CSMD3: variants seen among roughly 807,000 people sequenced by gnomAD.
CSMD3 encodes CUB and sushi domain-containing protein 3.
A neutral mutation model predicts 435.2 loss-of-function variants in CSMD3; 177 were observed. The ratio of observed to expected loss-of-function variants is 0.41; its 90% CI spans 0.36 to 0.46. The LOEUF (loss-of-function observed/expected upper bound fraction) is 0.46. Ranked by LOEUF, CSMD3 falls within the 20% of genes least tolerant of loss-of-function variation. The pLI is 0.34. For synonymous variants in CSMD3, 1,656 were observed against 1,520.5 expected (o/e 1.09, Z -2.07); for missense variants, 4,265 against 4,504.6 (o/e 0.95, Z 1.52).
chr8:113,345,103 A>G (rs900462187), intron 1 of CSMD3, among the ~76,000 whole-genome samples: 1 of 152,134 alleles, frequency 6.6e-6, no homozygotes, highest in Non-Finnish European at 1.5e-5. Context: ...CACCCAATGT[A>G]CACAGAAAGC....
At chr8:112,455,259 TA>T in intron 32 of CSMD3, among the ~76,000 whole-genome samples, 1 of 152,106 alleles carries the variant, frequency 6.6e-6, no homozygotes, top group East Asian at 1.9e-4. Context: ...TATGCAGCCA[TA>T]AAAAGAAGGA....
intron 22 of CSMD3, among the ~76,000 whole-genome samples, chr8:112,605,642 G>A (rs1832731704): frequency 8.7e-6 from 1 of 115,396 alleles, no homozygotes; most frequent in East Asian, 2.2e-4. Flanking sequence ...GCAGAGGGTG[G>A]GAGTAGGGCA....
chr8:112,902,592 G>A (rs1210867413), intron 10 of CSMD3, among the ~76,000 whole-genome samples: 1 of 151,236 alleles, frequency 6.6e-6, no homozygotes, highest in African/African-American at 2.4e-5. Context: ...CTCAGCGTTA[G>A]TCATGTTAAA....
chr8:113,206,762 A>G (rs2177112), intron 3 of CSMD3, among the ~76,000 whole-genome samples: 56,015 of 151,944 alleles, frequency 0.37, 11,142 homozygotes, highest in African/African-American at 0.52. Flanking sequence ...ATTGCCTTAT[A>G]TACATGAATG....
intron 13 of CSMD3, among the ~76,000 whole-genome samples, chr8:112,747,235 G>GT (rs2077453144): frequency 1.8e-5 from 1 of 57,000 alleles, no homozygotes; most frequent in Non-Finnish European, 3.3e-5. Flanking sequence ...TTGCTTCATT[G>GT]TTTTTTCCTG....
intron 32 of CSMD3, among the ~76,000 whole-genome samples, chr8:112,466,872 C>T (rs566822336): frequency 2.0e-5 from 3 of 151,858 alleles, no homozygotes; most frequent in African/African-American, 4.8e-5. Context: ...TAACATAATA[C>T]TATAATAGAG....
chr8:112,754,767 T>C (rs1279910518), intron 13 of CSMD3, among the ~76,000 whole-genome samples: 2 of 152,180 alleles, frequency 1.3e-5, no homozygotes, highest in Admixed American at 6.5e-5. Flanking sequence ...ATGAAGCCCC[T>C]AAACCTGTCT....
At chr8:112,989,318 C>T (rs1046196873) in intron 6 of CSMD3, among the ~76,000 whole-genome samples, 1 of 151,984 alleles carries the variant, frequency 6.6e-6, no homozygotes, top group African/African-American at 2.4e-5. Flanking sequence ...ACTTCCTATC[C>T]AGTTATCACT....
rs759587996 is a variant in CSMD3 at position 112,689,909 on chromosome 8, T to C, written c.2114A>G (p.Gln705Arg). ...ELIGEKSIVC[Q>R]ENNQWSANIP... Reference sequence around the variant, plus strand: ...GTTTGCAGACCATTGGTTATTCTCTTGACAAACAATGGATTTCTCTCCAAT... The same window carrying C: ...GTTTGCAGACCATTGGTTATTCTCTCGACAAACAATGGATTTCTCTCCAAT... The change falls in exon 14 of 71, where the codon CAA becomes CGA. Residue 705 changes from glutamine to arginine, a missense_variant. This residue lies in a region of CSMD3 where 279 missense variants were observed against 369.0 expected (regional missense o/e 0.76). Coordinates refer to ENST00000297405, the MANE Select transcript of CSMD3 (RefSeq NM_198123.2). 4.3e-6 allele frequency: 7 copies of C among 1,613,320 alleles called. No individual in the cohort carries two copies. Among genetic ancestry groups the C allele is most frequent in the Admixed American group, 1.7e-5 (1 of 59,972 alleles).
chr8:112,911,892 T>C (rs1456458866), intron 10 of CSMD3, among the ~76,000 whole-genome samples: 1 of 148,290 alleles, frequency 6.7e-6, no homozygotes, highest in African/African-American at 2.4e-5. Context: ...GAGAAGAATA[T>C]TAAATAACCA....
chr8:113,135,178 C>A (rs1249085961), intron 4 of CSMD3, among the ~76,000 whole-genome samples: 1 of 151,920 alleles, frequency 6.6e-6, no homozygotes. Context: ...ATACCTGACA[C>A]ATATTAGGCT....
At chr8:113,204,392 T>C (rs2092748129) in intron 3 of CSMD3, among the ~76,000 whole-genome samples, 2 of 152,144 alleles carry the variant, frequency 1.3e-5, no homozygotes, top group South Asian at 2.1e-4. Context: ...ACATATGTTT[T>C]CTATTTGAAA....
intron 4 of CSMD3, among the ~76,000 whole-genome samples, chr8:113,133,733 T>C (rs1049699913): frequency 1.3e-5 from 2 of 152,042 alleles, no homozygotes; most frequent in East Asian, 3.9e-4. Flanking sequence ...ATATATAGAA[T>C]GGAATATTAT....
chr8:113,229,171 G>T (rs2093058416), intron 3 of CSMD3, among the ~76,000 whole-genome samples: 1 of 151,488 alleles, frequency 6.6e-6, no homozygotes, highest in African/African-American at 2.4e-5. Context: ...AAATTATATT[G>T]GGCATTATAG....
At chr8:113,096,198 C>T (rs1401612791) in intron 5 of CSMD3, among the ~76,000 whole-genome samples, 3 of 152,090 alleles carry the variant, frequency 2.0e-5, no homozygotes, top group Non-Finnish European at 2.9e-5. Context: ...GATTTATTAG[C>T]CATCTCAAAC....
intron 50 of CSMD3, among the ~76,000 whole-genome samples, chr8:112,308,083 G>C: frequency 1.3e-5 from 2 of 152,110 alleles, no homozygotes; most frequent in East Asian, 3.9e-4. Context: ...ATTATGAACA[G>C]AAAAGCTGTA....
intron 3 of CSMD3, among the ~76,000 whole-genome samples, chr8:113,182,617 T>C (rs1263353751): frequency 6.6e-6 from 1 of 151,982 alleles, no homozygotes; most frequent in Non-Finnish European, 1.5e-5. Flanking sequence ...GTTATTTCCC[T>C]TCATGTGACT....
Position 112,636,938 on chromosome 8 carries a change from A to T in CSMD3, c.3594T>A (p.Phe1198Leu), listed in dbSNP as rs1454131175. ...AGAAGGTCAGAGTGTCACCAATCCC[A>T]AAGTTGAACCCGATTCGACTACCAT... ...PQYGSRIGFNFGIGDTLTFSC... is the reference protein window; with the variant it reads ...PQYGSRIGFNLGIGDTLTFSC... Residue 1198 changes from phenylalanine to leucine, a missense_variant, in exon 22 of 71, where the codon TTT becomes TTA. Physicochemically the swap from Phe to Leu is conservative, Grantham distance 22. Around this residue, in one of 3 missense-constraint regions of CSMD3, gnomAD observed 3,255 missense variants for 3,380.2 expected, o/e 0.96. Coordinates refer to ENST00000297405, the MANE Select transcript of CSMD3 (RefSeq NM_198123.2). 6.2e-7 allele frequency: 1 copy of T among 1,613,748 alleles called. No homozygotes were observed. The highest frequency in any genetic ancestry group is 1.7e-5 in the Admixed American group (1 of 59,942).
At chr8:112,500,751 C>G (rs1430753384) in intron 30 of CSMD3, among the ~76,000 whole-genome samples, 2 of 152,170 alleles carry the variant, frequency 1.3e-5, no homozygotes, top group Non-Finnish European at 2.9e-5. Flanking sequence ...GAAGCTTGCA[C>G]AGGTGAATGC....
Sources: allele counts gnomAD v4.1 joint callset (sites outside exome capture counted in the v4.1 genomes callset), GRCh38; gene constraint gnomAD v4.1.1; regional missense constraint gnomAD v4.1.1; transcripts MANE v1.5; gene names NCBI Gene and HGNC (gene_info 2026-07-23, HGNC 2026-07-21).